OPCML: variants seen among roughly 807,000 people sequenced by gnomAD.
OPCML encodes the protein opioid-binding protein/cell adhesion molecule.
OPCML carries 13 observed loss-of-function variants against 37.8 expected under a neutral mutation model. That is an observed-to-expected ratio of 0.34 (90% confidence interval 0.22 to 0.55). The LOEUF is 0.55. Ranked by LOEUF, OPCML falls within the 20% of genes least tolerant of loss-of-function variation. The pLI is 0.91. For missense variants in OPCML, 341 were observed against 435.6 expected, an observed-to-expected ratio of 0.78 and a Z score of 1.93; for synonymous variants, 176 against 168.8, an observed-to-expected ratio of 1.04 and a Z score of -0.33.
chr11:132,552,065 T>C (rs1338008578), intron 3 of OPCML, among the ~76,000 whole-genome samples: 1 of 152,186 alleles, frequency 6.6e-6, no homozygotes, highest in Non-Finnish European at 1.5e-5. Context: ...CAAATGTGAG[T>C]GAGCTTCTCA....
At chr11:133,180,248 C>T (rs1362975906) in intron 1 of OPCML, among the ~76,000 whole-genome samples, 1 of 152,136 alleles carries the variant, frequency 6.6e-6, no homozygotes. Flanking sequence ...CGGACCCTCA[C>T]GTGTGCGTTC....
At chr11:133,038,456 C>G (rs1006152159) in intron 1 of OPCML, among the ~76,000 whole-genome samples, 1 of 152,074 alleles carries the variant, frequency 6.6e-6, no homozygotes, top group Non-Finnish European at 1.5e-5. Context: ...TATCAGGAGA[C>G]CATGGTAATT....
At position 133,377,612 on chromosome 11, in the gene OPCML, G is replaced by GAAAAAA. The variant is rs71477791; in HGVS notation, c.61+154646_61+154651dup. On this transcript the variant is annotated intron_variant, in intron 1 of 7. Coordinates refer to ENST00000524381, the MANE Select transcript of OPCML (RefSeq NM_001012393.5). Reference sequence around the variant, plus strand: ...GCTCTCTCTGACGTGCCAGTATTCAGAAAAAAAAAAAAAAAGAGCACCAAG... The same window carrying GAAAAAA: ...GCTCTCTCTGACGTGCCAGTATTCAGAAAAAAAAAAAAAAAAAAAAAGAGCACCAAG... Among the ~76,000 whole-genome samples the GAAAAAA allele has an allele frequency of 1.0e-3, 83 of 79,088 alleles. 6 individuals carry two copies. The East Asian group carries it at 0.029, about 28-fold the overall frequency. 51.9% of individuals were successfully genotyped at this position (79,088 alleles called of 152,430 possible). A position where few individuals can be genotyped will look rare whatever the true frequency, so the allele number is the denominator to read the frequency against.
intron 3 of OPCML, among the ~76,000 whole-genome samples, chr11:132,557,478 T>A (rs1489279174): frequency 6.6e-6 from 1 of 152,176 alleles, no homozygotes; most frequent in African/African-American, 2.4e-5. Context: ...AATGGGATGC[T>A]TGAGGATGCC....
At chr11:132,659,652 T>C (rs1008030421) in intron 2 of OPCML, among the ~76,000 whole-genome samples, 1 of 152,180 alleles carries the variant, frequency 6.6e-6, no homozygotes, top group Non-Finnish European at 1.5e-5. Context: ...GATGATTTTT[T>C]TGGCCTTTAG....
rs1473227339 is a variant in OPCML at position 133,206,727 on chromosome 11, AC to A, written c.62-263718del. Among the ~76,000 whole-genome samples, 1 of 152,096 alleles carries A rather than the reference AC, an allele frequency of 6.6e-6. No individual in the cohort carries two copies. The highest frequency in any genetic ancestry group is 1.5e-5 in the Non-Finnish European group (1 of 68,038). ...CTGGTGTGCTTGTTTACCAGCTGTGACCCACTGGTCTAAAATGGAAACAAGA... is the reference window on the plus strand; with the variant it reads ...CTGGTGTGCTTGTTTACCAGCTGTGACCACTGGTCTAAAATGGAAACAAGA... On this transcript the variant is annotated intron_variant, in intron 1 of 7. Coordinates refer to ENST00000524381, the MANE Select transcript of OPCML (RefSeq NM_001012393.5). The surrounding 1 kb of genome is among the most constrained non-coding windows in gnomAD (Gnocchi z 4.7).
Position 133,452,724 on chromosome 11 carries a change from G to C in OPCML, c.61+79540C>G, listed in dbSNP as rs189417608. Among the ~76,000 whole-genome samples, 10 of 151,712 alleles carry C rather than the reference G, an allele frequency of 6.6e-5. No homozygotes were observed. The East Asian group carries it at 1.9e-3, about 29-fold the overall frequency. On this transcript the variant is annotated intron_variant, in intron 1 of 7. Coordinates refer to ENST00000524381, the MANE Select transcript of OPCML (RefSeq NM_001012393.5). ...AATTCTACTACAAACATCTCTACAT[G>C]ACATTGAGTGAGACATTTAACCACA...
At chr11:132,966,942 T>C (rs1424548912) in intron 1 of OPCML, among the ~76,000 whole-genome samples, 1 of 152,098 alleles carries the variant, frequency 6.6e-6, no homozygotes, top group East Asian at 1.9e-4. Flanking sequence ...ATGTCTCCCA[T>C]AGATAGTATG....
intron 1 of OPCML, among the ~76,000 whole-genome samples, chr11:132,977,872 G>T (rs73586464): frequency 0.012 from 1,881 of 152,268 alleles, 44 homozygotes; most frequent in African/African-American, 0.043. Context: ...TTGCCCAGAA[G>T]GAGTTTATGA....
intron 1 of OPCML, among the ~76,000 whole-genome samples, chr11:132,950,064 A>C (rs1010525017): frequency 2.0e-5 from 3 of 152,246 alleles, no homozygotes; most frequent in Non-Finnish European, 2.9e-5. Flanking sequence ...TAGCCCCAGC[A>C]GCAGATGAAG....
intron 7 of OPCML, among the ~76,000 whole-genome samples, chr11:132,421,919 G>C (rs1283130501): frequency 6.6e-6 from 1 of 152,024 alleles, no homozygotes; most frequent in African/African-American, 2.4e-5. Context: ...TTTGAAAGAT[G>C]AGTGATTTAG....
chr11:132,707,038 T>C (rs1944062233), intron 2 of OPCML, among the ~76,000 whole-genome samples: 1 of 152,224 alleles, frequency 6.6e-6, no homozygotes, highest in South Asian at 2.1e-4. Flanking sequence ...GATATAGTGA[T>C]CATTTTTAAC....
chr11:132,967,379 TTTAA>T (rs1334554501), intron 1 of OPCML, among the ~76,000 whole-genome samples: 2 of 152,158 alleles, frequency 1.3e-5, no homozygotes, highest in Non-Finnish European at 2.9e-5. Context: ...TAAGCTACTA[TTTAA>T]TTAATTATAT....
At chr11:132,844,662 C>T (rs1282387899) in intron 2 of OPCML, among the ~76,000 whole-genome samples, 3 of 152,124 alleles carry the variant, frequency 2.0e-5, no homozygotes, top group Non-Finnish European at 2.9e-5. Context: ...ATATTTTAGG[C>T]TTTGCAGGCT....
chr11:133,066,580 T>G (rs1385867326), intron 1 of OPCML: 2 of 152,244 alleles, frequency 1.3e-5, no homozygotes, highest in Admixed American at 6.5e-5. Context: ...TGCAAGTCAT[T>G]GGAAGACCCT....
intron 2 of OPCML, among the ~76,000 whole-genome samples, chr11:132,787,926 G>T (rs1279320075): frequency 6.6e-6 from 1 of 152,144 alleles, no homozygotes; most frequent in Non-Finnish European, 1.5e-5. Flanking sequence ...TTGTCACCAG[G>T]CTGGTGTGCA....
At chr11:133,122,831 C>T (rs1949442475) in intron 1 of OPCML, among the ~76,000 whole-genome samples, 2 of 152,192 alleles carry the variant, frequency 1.3e-5, no homozygotes, top group South Asian at 4.1e-4. Flanking sequence ...TCAATAAAGG[C>T]TTAGCAAAAG....
chr11:133,233,680 A>G (rs1448274983), intron 1 of OPCML, among the ~76,000 whole-genome samples: 1 of 152,126 alleles, frequency 6.6e-6, no homozygotes. Context: ...ATGGTATATA[A>G]GTCTCAAGTC....
At chr11:132,882,600 G>A (rs1158351787) in intron 2 of OPCML, among the ~76,000 whole-genome samples, 1 of 152,168 alleles carries the variant, frequency 6.6e-6, no homozygotes, top group Non-Finnish European at 1.5e-5. Flanking sequence ...TATTTATGAA[G>A]CACTCTCTAT....
Sources: gnomAD v4.1 joint callset for allele counts (sites outside exome capture counted in the v4.1 genomes callset) on GRCh38, gnomAD v4.1.1 for gene constraint, Gnocchi (gnomAD v3.1) non-coding constraint, MANE v1.5 for transcripts, NCBI Gene and HGNC (gene_info 2026-07-23, HGNC 2026-07-21) for gene names.